Variants in CPNE9 observed in about 807,000 individuals in gnomAD.
CPNE9 encodes the protein copine family member 9, also known as copine-9.
CPNE9 carries 59 observed loss-of-function variants against 83.0 expected under a neutral mutation model. The ratio of observed to expected loss-of-function variants is 0.71; its 90% CI spans 0.58 to 0.88. The LOEUF (loss-of-function observed/expected upper bound fraction) is 0.88, where lower values mean the gene tolerates loss of function less well. Among genes scored for constraint, CPNE9 ranks in the 40% least tolerant of loss-of-function variants. The pLI is 0.00. For synonymous variants in CPNE9, 256 were observed against 273.4 expected, an observed-to-expected ratio of 0.94 and a Z score of 0.63; for missense variants, 619 against 720.8, an observed-to-expected ratio of 0.86 and a Z score of 1.62.
rs1457525949 is a variant in CPNE9, at chr3:9,713,030, C to T, written c.601C>T (p.Gln201Ter). 6.2e-7 allele frequency: 1 copy of T among 1,614,112 alleles called. No individual in the cohort carries two copies. The highest frequency in any genetic ancestry group is 8.5e-7 in the Non-Finnish European group (1 of 1,180,040). The change falls in exon 10 of 21, where the codon CAG (glutamine) becomes TAG (stop). Residue 201 changes from glutamine to a stop codon, truncating the protein, a stop_gained. Coordinates refer to ENST00000383832, the MANE Select transcript of CPNE9 (RefSeq NM_153635.3). LOFTEE classifies it high-confidence loss of function. ...GAAAAACACGCTGAATCCTGTGTGG[C>T]AGCCCTTCAGCATCCCTGTGCGGGC... ...VVKNTLNPVW[Q>*]PFSIPVRALC... is the part of the protein sequence containing the mutation.
At chr3:9,705,051 A>G in intron 4 of CPNE9, 57 bp downstream of exon 4, 2 of 1,324,372 alleles carry the variant, frequency 1.5e-6, no homozygotes, top group Non-Finnish European at 2.1e-6. Context: ...TCCGCCCGGA[A>G]TTCTGGCTGG....
chr3:9,727,477 C>A, intron 20 of CPNE9: 2 of 708,774 alleles, frequency 2.8e-6, no homozygotes, highest in South Asian at 3.0e-5. Flanking sequence ...GATAAGTACT[C>A]CAGAGGAATA....
intron 11 of CPNE9, 122 bp downstream of exon 11, chr3:9,715,077 C>A: frequency 1.0e-6 from 1 of 968,094 alleles, no homozygotes; most frequent in Non-Finnish European, 1.6e-6. Flanking sequence ...ATGATAAACA[C>A]CAGTGTCTTG....
In CPNE9 at chr3:9,705,444, C is replaced by A; in HGVS notation, c.261-20C>A. 1 of 1,514,212 alleles carries A rather than the reference C, an allele frequency of 6.6e-7. No individual in the cohort carries two copies. Among genetic ancestry groups the A allele is most frequent in the Non-Finnish European group, 9.0e-7 (1 of 1,113,934 alleles). The allele number at this position is 1,514,212 out of a possible 1,614,324, so 93.8% of individuals were successfully genotyped here. A position where few individuals can be genotyped will look rare whatever the true frequency, so the allele number is the denominator to read the frequency against. ...TCCCCCACCCAGCCCCACCCCACAC[C>A]GGTTCCACTCTTTTCCCAGGTACAA... On this transcript the variant is annotated intron_variant, in intron 4 of 20. Coordinates refer to ENST00000383832, the MANE Select transcript of CPNE9 (RefSeq NM_153635.3).
rs2076811020 is a variant in CPNE9 at position 9,729,586 on chromosome 3, C to G, written c.1556C>G (p.Ala519Gly). 1 of 1,614,038 alleles carries G rather than the reference C, an allele frequency of 6.2e-7. No homozygotes were observed. The highest frequency in any genetic ancestry group is 8.5e-7 in the Non-Finnish European group (1 of 1,180,036). The change falls in exon 21 of 21, where the codon GCC (alanine) becomes GGC (glycine). Residue 519 changes from alanine to glycine, a missense_variant. This residue lies in a region of CPNE9 where 438 missense variants were observed against 562.9 expected (regional missense o/e 0.78). Coordinates refer to ENST00000383832, the MANE Select transcript of CPNE9 (RefSeq NM_153635.3). ...SMARLAKDVL[A>G]EIPEQLLSYM... The stretch of plus-strand genomic sequence containing the variant: ...GCCCGACTGGCCAAGGATGTGCTGG[C>G]CGAGATCCCGGAGCAGCTGCTGTCC...
In CPNE9 at chr3:9,729,558, A is replaced by T. The variant is rs1244201325; in HGVS notation, c.1528A>T (p.Met510Leu). ...VDRSGNQVLS[M>L]ARLAKDVLAE... ...CCGGTCGGGGAACCAGGTGTTGAGCATGGCCCGACTGGCCAAGGATGTGCT... is the reference window on the plus strand; with the variant it reads ...CCGGTCGGGGAACCAGGTGTTGAGCTTGGCCCGACTGGCCAAGGATGTGCT... Residue 510 changes from methionine (M) to leucine (L), a missense_variant, in exon 21 of 21, where the codon ATG becomes TTG. Coordinates refer to ENST00000383832, the MANE Select transcript of CPNE9 (RefSeq NM_153635.3). The T allele has an allele frequency of 1.2e-6, 2 of 1,614,050 alleles. No homozygotes were observed. The highest frequency in any genetic ancestry group is 1.7e-6 in the Non-Finnish European group (2 of 1,179,976).
intron 10 of CPNE9, among the ~76,000 whole-genome samples, chr3:9,713,881 C>A (rs1044649944): frequency 5.3e-5 from 8 of 151,884 alleles, no homozygotes; most frequent in African/African-American, 1.9e-4. Flanking sequence ...ACCATCCTGG[C>A]TAACACGGTG....
At chr3:9,712,379 CCAGT>C (rs1295518831) in intron 7 of CPNE9, among the ~76,000 whole-genome samples, 158 bp from the exon 8 acceptor site, 1 of 152,152 alleles carries the variant, frequency 6.6e-6, no homozygotes, top group Non-Finnish European at 1.5e-5. Flanking sequence ...CAGACCCCAC[CCAGT>C]CAAAGTGAGG....
intron 17 of CPNE9, 125 bp downstream of exon 17, chr3:9,718,727 A>G: frequency 1.8e-6 from 2 of 1,137,872 alleles, no homozygotes; most frequent in Non-Finnish European, 2.5e-6. Flanking sequence ...GAGGCCAGGC[A>G]TGGTGGCTCA....
At chr3:9,718,651 G>A (rs1172459786) in intron 17 of CPNE9, 49 bp downstream of exon 17, 3 of 1,591,742 alleles carry the variant, frequency 1.9e-6, no homozygotes, top group African/African-American at 1.3e-5. Context: ...CCCACATAAG[G>A]GATTGACCCC....
At chr3:9,729,311 G>A (rs1276500108) in intron 20 of CPNE9, among the ~76,000 whole-genome samples, 196 bp from the exon 21 acceptor site, 2 of 152,198 alleles carry the variant, frequency 1.3e-5, no homozygotes, top group East Asian at 3.8e-4. Context: ...ACTGGAGTGG[G>A]TTGAGGGTGA....
intron 17 of CPNE9, among the ~76,000 whole-genome samples, chr3:9,721,609 G>C (rs539488196): frequency 5.3e-5 from 8 of 152,282 alleles, no homozygotes; most frequent in Admixed American, 5.2e-4. Flanking sequence ...TCTAGAGGAC[G>C]AGGTAGACTT....
chr3:9,705,073 C>T, intron 4 of CPNE9, 79 bp downstream of exon 4: 1 of 1,062,142 alleles, frequency 9.4e-7, no homozygotes, highest in Non-Finnish European at 1.4e-6. Context: ...CCCACCCCCG[C>T]CTCGCCTCCG....
intron 7 of CPNE9, among the ~76,000 whole-genome samples, chr3:9,711,727 G>A (rs2076631075): frequency 6.6e-6 from 1 of 152,164 alleles, no homozygotes; most frequent in Non-Finnish European, 1.5e-5. Flanking sequence ...GGGTTCACAG[G>A]CCCCTATCAA....
intron 17 of CPNE9, among the ~76,000 whole-genome samples, chr3:9,723,209 T>G (rs1023656280): frequency 6.6e-6 from 1 of 152,174 alleles, no homozygotes; most frequent in Non-Finnish European, 1.5e-5. Context: ...CAGTGGCTCA[T>G]GCCTGTAATC....
At chr3:9,716,166 C>G (rs1553690538) in intron 14 of CPNE9, 131 bp downstream of exon 14, 28 of 770,120 alleles carry the variant, frequency 3.6e-5, no homozygotes, top group Non-Finnish European at 3.7e-5. Flanking sequence ...AACACTTGGC[C>G]AACTATAAAG....
intron 4 of CPNE9, 30 bp downstream of exon 4, chr3:9,705,024 C>T (rs1241459665): frequency 6.6e-7 from 1 of 1,519,804 alleles, no homozygotes; most frequent in Non-Finnish European, 9.0e-7. Context: ...TCTGGCTTGG[C>T]CCGCCCCCGA....
intron 7 of CPNE9, 75 bp from the exon 8 acceptor site, chr3:9,712,466 C>A: frequency 8.1e-7 from 1 of 1,229,744 alleles, no homozygotes; most frequent in Non-Finnish European, 1.2e-6. Context: ...CCTGGCCCAC[C>A]TAACCCCAGA....
rs1360429936 is a variant in CPNE9 at position 9,727,165 on chromosome 3, C to G, written c.1455C>G (p.Tyr485Ter). 1 of 1,614,150 alleles carries G rather than the reference C, an allele frequency of 6.2e-7. No individual in the cohort carries two copies. Among genetic ancestry groups the G allele is most frequent in the Non-Finnish European group, 8.5e-7 (1 of 1,180,030 alleles). ...TGCGCGTGTCCTCTAGGGGACGCTA[C>G]GCAGAGCGGGACATCGTTCAGGTAG... Reference protein sequence around the residue: ...DDVRVSSRGRYAERDIVQFVP... With the variant: ...DDVRVSSRGR Residue 485 changes from tyrosine to a stop codon, truncating the protein, a stop_gained, in exon 20 of 21, where the codon TAC becomes TAG. Transcript: ENST00000383832. LOFTEE classifies it high-confidence loss of function.
Sources: allele counts gnomAD v4.1 joint callset (sites outside exome capture counted in the v4.1 genomes callset), GRCh38; gene constraint gnomAD v4.1.1; regional missense constraint gnomAD v4.1.1; transcripts MANE v1.5; gene names NCBI Gene and HGNC (gene_info 2026-07-23, HGNC 2026-07-21).